Variants in ATRX observed in about 807,000 individuals in gnomAD.
ATRX encodes the protein ATRX chromatin remodeler.
ATRX carries 12 observed loss-of-function variants against 172.6 expected under a neutral mutation model. The observed-to-expected ratio is 0.07, with a 90% CI of 0.04 to 0.11. The LOEUF (loss-of-function observed/expected upper bound fraction) is 0.11, where lower values mean the gene tolerates loss of function less well. ATRX is among the 10% of genes least tolerant of loss of function. The pLI is 1.00. For synonymous variants in ATRX, 674 were observed against 594.7 expected (o/e 1.13, Z -1.94); for missense variants, 1,368 against 1,767.4 (o/e 0.77, Z 4.05).
intron 10 of ATRX, among the ~76,000 whole-genome samples, chrX:77,671,326 G>A (rs1276542375): frequency 1.9e-5 from 2 of 104,932 alleles, no homozygotes; most frequent in Admixed American, 1.0e-4. Context: ...TACAATGTGG[G>A]TAGTTAATGA....
At chrX:77,769,112 G>A (rs1048830208) in intron 1 of ATRX, among the ~76,000 whole-genome samples, 2 of 111,448 alleles carry the variant, frequency 1.8e-5, no homozygotes, top group East Asian at 2.8e-4. Context: ...CCAGGAGTAC[G>A]AGGCTGTAGT....
At chrX:77,599,007 C>G (rs1463334836) in intron 25 of ATRX, among the ~76,000 whole-genome samples, 1 of 111,855 alleles carries the variant, frequency 8.9e-6, no homozygotes, top group Non-Finnish European at 1.9e-5. Flanking sequence ...TATTCCCATA[C>G]AGTTAAGTGA....
At chrX:77,776,719 G>T (rs1365262070) in intron 1 of ATRX, among the ~76,000 whole-genome samples, 2 of 112,228 alleles carry the variant, frequency 1.8e-5, no homozygotes, top group Non-Finnish European at 3.8e-5. Flanking sequence ...TGCAGCTCAT[G>T]AATTATTGTG....
At chrX:77,698,507 A>C in intron 3 of ATRX, 67 bp downstream of exon 3, 1 of 998,110 alleles carries the variant, frequency 1.0e-6, no homozygotes, top group Non-Finnish European at 1.4e-6. Flanking sequence ...GTCCAGAAGC[A>C]ATCTAAAGAC....
chrX:77,508,436 C>T lies in ATRX; in HGVS notation c.7394G>A (p.Gly2465Asp). 1 of 1,210,705 alleles carries T rather than the reference C, an allele frequency of 8.3e-7. No individual in the cohort carries two copies. Among genetic ancestry groups the T allele is most frequent in the Non-Finnish European group, 1.1e-6 (1 of 894,528 alleles). Residue 2465 changes from glycine to aspartate, a missense_variant, in exon 35 of 35, where the codon GGT becomes GAT. Around this residue, in one of 17 missense-constraint regions of ATRX, gnomAD observed 100 missense variants for 153.9 expected, o/e 0.65. Coordinates refer to ENST00000373344, the MANE Select transcript of ATRX (RefSeq NM_000489.6). ...DMRGMYQPVA[G>D]GMQPPPLQRA... Reference sequence around the variant, plus strand: ...CTGTAATGGTGGTGGCTGCATACCACCAGCCACTGGCTGATACATTCCTCT... The same window carrying T: ...CTGTAATGGTGGTGGCTGCATACCATCAGCCACTGGCTGATACATTCCTCT...
chrX:77,549,058 A>G (rs782258785), intron 30 of ATRX, among the ~76,000 whole-genome samples: 2 of 111,994 alleles, frequency 1.8e-5, no homozygotes, highest in East Asian at 5.6e-4. Flanking sequence ...ACTGTACTTA[A>G]GAGGAACAAA....
intron 1 of ATRX, among the ~76,000 whole-genome samples, chrX:77,770,292 G>A (rs1245154739): frequency 9.2e-6 from 1 of 108,805 alleles, no homozygotes; most frequent in Non-Finnish European, 1.9e-5. Flanking sequence ...TTTAGAGATG[G>A]GGTTTCACCA....
chrX:77,750,241 A>C (rs782186996), intron 1 of ATRX, among the ~76,000 whole-genome samples: 2 of 111,618 alleles, frequency 1.8e-5, no homozygotes, highest in African/African-American at 3.3e-5. Context: ...AAAAAACATA[A>C]GTGTATATAG....
chrX:77,512,656 G>C (rs1316550001), intron 34 of ATRX, among the ~76,000 whole-genome samples: 1 of 111,467 alleles, frequency 9.0e-6, no homozygotes, highest in African/African-American at 3.3e-5. Context: ...ATCACCTGAG[G>C]TCAGTAGTTC....
chrX:77,671,360 G>C (rs1239149816), intron 10 of ATRX, among the ~76,000 whole-genome samples: 1 of 104,795 alleles, frequency 9.5e-6, no homozygotes, highest in Non-Finnish European at 1.9e-5. Context: ...ATCCTTTTTG[G>C]TGAGGGTACC....
Position 77,593,097 on chromosome X carries a change from G to A in ATRX, c.6110+599C>T, listed in dbSNP as rs782764694. ...ACACTAGCTGGGCATGGTGGTGTGC[G>A]CCTGTAGTCCCAGCTACTGGAGAGG... On this transcript the variant is annotated intron_variant, in intron 26 of 34. Transcript: ENST00000373344. Among the ~76,000 whole-genome samples, 10 of 108,583 alleles carry A rather than the reference G, an allele frequency of 9.2e-5. No homozygotes were observed. In the South Asian group the frequency reaches 2.9e-3, roughly 31 times the overall value. 94.3% of individuals were successfully genotyped at this position (108,583 alleles called of 115,157 possible). A position where few individuals can be genotyped will look rare whatever the true frequency, so the allele number is the denominator to read the frequency against.
chrX:77,784,755 G>A (rs2076677474), intron 1 of ATRX, among the ~76,000 whole-genome samples: 1 of 111,949 alleles, frequency 8.9e-6, no homozygotes, highest in South Asian at 3.6e-4. Flanking sequence ...TGTTCATGCA[G>A]AAATACAGAC....
In ATRX at chrX:77,618,795, C is replaced by T; in HGVS notation, c.5448+11G>A. 2.5e-6 allele frequency: 3 copies of T among 1,195,847 alleles called. No individual in the cohort carries two copies. The highest frequency in any genetic ancestry group is 3.4e-6 in the Non-Finnish European group (3 of 881,653). On this transcript the variant is annotated intron_variant, in intron 21 of 34. Coordinates refer to ENST00000373344, the MANE Select transcript of ATRX (RefSeq NM_000489.6). Reference sequence around the variant, plus strand: ...GTAAGAATATTTTATTACTATGGAACATATTTGTACCTGAACACATCCAGC... The same window carrying T: ...GTAAGAATATTTTATTACTATGGAATATATTTGTACCTGAACACATCCAGC...
In ATRX at chrX:77,684,536, G is replaced by A. The variant is rs1557142794; in HGVS notation, c.720C>T (p.Cys240=). The part of the protein sequence containing the change: ...ICCDFCHNAF[C]KKCILRNLGR... ...CAAGGTTGCGTAGAATGCATTTCTT[G>A]CAGAAAGCATTATGGCAAAAGTCAC... is the stretch of plus-strand genomic sequence containing the variant. The change falls in exon 9 of 35, where the codon TGC becomes TGT. Residue 240 remains cysteine, a synonymous_variant. Transcript: ENST00000373344. 1.7e-6 allele frequency: 2 copies of A among 1,210,616 alleles called. No homozygotes were observed. The highest frequency in any genetic ancestry group is 1.1e-6 in the Non-Finnish European group (1 of 894,872).
At chrX:77,746,344 G>C (rs1557184912) in intron 1 of ATRX, among the ~76,000 whole-genome samples, 1 of 111,185 alleles carries the variant, frequency 9.0e-6, no homozygotes, top group African/African-American at 3.3e-5. Flanking sequence ...CTTTGAGAAT[G>C]TTTAGAAATG....
chrX:77,527,159 C>T (rs1385048769), intron 30 of ATRX, among the ~76,000 whole-genome samples: 1 of 111,914 alleles, frequency 8.9e-6, no homozygotes, highest in African/African-American at 3.3e-5. Flanking sequence ...TTTATTCCTC[C>T]ACACATTGAC....
Position 77,559,449 on chromosome X carries a change from C to CTTTT in ATRX, c.6327-607_6327-604dup, listed in dbSNP as rs782028709. Reference sequence around the variant, plus strand: ...TTATAAGGTTTCTTTCTTTCTTTCCCTTTTTTTTTTTTTTTTTTTTTTTTT... The same window carrying CTTTT: ...TTATAAGGTTTCTTTCTTTCTTTCCCTTTTTTTTTTTTTTTTTTTTTTTTTTTTT... On this transcript the variant is annotated intron_variant, in intron 28 of 34. Coordinates refer to ENST00000373344, the MANE Select transcript of ATRX (RefSeq NM_000489.6). Among the ~76,000 whole-genome samples, 2 of 41,682 alleles carry CTTTT rather than the reference C, an allele frequency of 4.8e-5. 1 individual carries two copies. Among genetic ancestry groups the CTTTT allele is most frequent in the African/African-American group, 2.5e-4 (2 of 7,966 alleles). The allele number at this position is 41,682 out of a possible 115,157, so 36.2% of individuals were successfully genotyped here. A position where few individuals can be genotyped will look rare whatever the true frequency, so the allele number is the denominator to read the frequency against.
At chrX:77,722,541 G>A (rs1557169772) in intron 1 of ATRX, among the ~76,000 whole-genome samples, 1 of 111,230 alleles carries the variant, frequency 9.0e-6, no homozygotes, top group Non-Finnish European at 1.9e-5. Flanking sequence ...GATATGAACA[G>A]ACATTTCTCA....
At chrX:77,737,675 T>A (rs2074664128) in intron 1 of ATRX, among the ~76,000 whole-genome samples, 1 of 110,748 alleles carries the variant, frequency 9.0e-6, no homozygotes, top group Non-Finnish European at 1.9e-5. Flanking sequence ...ATGATGTGAT[T>A]AGTACACATT....
Sources: allele counts gnomAD v4.1 joint callset (sites outside exome capture counted in the v4.1 genomes callset), GRCh38; gene constraint gnomAD v4.1.1; regional missense constraint gnomAD v4.1.1; transcripts MANE v1.5; gene names NCBI Gene and HGNC (gene_info 2026-07-23, HGNC 2026-07-21).